Variants in CADPS2 observed in about 807,000 individuals in gnomAD.
The protein encoded by CADPS2 is calcium dependent secretion activator 2.
Under a neutral mutation model 172.5 loss-of-function variants are expected in CADPS2, and 93 were observed. The observed-to-expected ratio is 0.54, with a 90% CI of 0.46 to 0.64. The LOEUF (loss-of-function observed/expected upper bound fraction) is 0.64, where lower values mean the gene tolerates loss of function less well. Among genes scored for constraint, CADPS2 ranks in the 30% least tolerant of loss-of-function variants. The pLI is 0.00. For missense variants in CADPS2, 1,420 were observed against 1,565.9 expected, an observed-to-expected ratio of 0.91 and a Z score of 1.57; for synonymous variants, 546 against 555.2, an observed-to-expected ratio of 0.98 and a Z score of 0.23.
At chr7:122,600,605 T>C (rs930259950) in intron 6 of CADPS2, among the ~76,000 whole-genome samples, 6 of 152,112 alleles carry the variant, frequency 3.9e-5, no homozygotes, top group African/African-American at 9.7e-5. Flanking sequence ...CTCTAAGCAA[T>C]GTATAATTCT....
chr7:122,785,809 G>C (rs1793895391), intron 1 of CADPS2, among the ~76,000 whole-genome samples: 1 of 152,010 alleles, frequency 6.6e-6, no homozygotes. Flanking sequence ...TCTCTCACTA[G>C]GGCTCAGACC....
intron 11 of CADPS2, among the ~76,000 whole-genome samples, chr7:122,481,526 G>A (rs1287130436): frequency 6.6e-6 from 1 of 151,784 alleles, no homozygotes; most frequent in African/African-American, 2.4e-5. Flanking sequence ...GATAACCTGA[G>A]GTCAGGAGTT....
chr7:122,761,318 A>C (rs2093371094), intron 1 of CADPS2, among the ~76,000 whole-genome samples: 1 of 152,204 alleles, frequency 6.6e-6, no homozygotes, highest in Non-Finnish European at 1.5e-5. Context: ...CAGCCAGGCC[A>C]ATACTCATCT....
chr7:122,811,940 T>C (rs1395714081), intron 1 of CADPS2, among the ~76,000 whole-genome samples: 1 of 152,162 alleles, frequency 6.6e-6, no homozygotes, highest in African/African-American at 2.4e-5. Flanking sequence ...CATTTAATTA[T>C]CCACTCAATC....
intron 2 of CADPS2, among the ~76,000 whole-genome samples, chr7:122,679,519 G>A (rs538446376): frequency 1.4e-4 from 21 of 152,104 alleles, no homozygotes; most frequent in Middle Eastern, 3.4e-3. Flanking sequence ...TTGTGATCTC[G>A]CCCTAACCTT....
At chr7:122,714,787 C>G (rs988564729) in intron 2 of CADPS2, among the ~76,000 whole-genome samples, 6 of 152,226 alleles carry the variant, frequency 3.9e-5, no homozygotes, top group African/African-American at 1.4e-4. Flanking sequence ...ATAATAGAAA[C>G]TTACAGTAAT....
At chr7:122,553,391 T>C (rs546739918) in intron 8 of CADPS2, among the ~76,000 whole-genome samples, 18 of 152,304 alleles carry the variant, frequency 1.2e-4, no homozygotes, top group Middle Eastern at 3.4e-3. Flanking sequence ...ATCTGAGTCA[T>C]AGTTAGACTT....
chr7:122,848,863 C>T (rs1812745415), intron 1 of CADPS2, among the ~76,000 whole-genome samples: 1 of 152,028 alleles, frequency 6.6e-6, no homozygotes, highest in South Asian at 2.1e-4. Flanking sequence ...CATCTAGGAA[C>T]CTGGGGATTT....
chr7:122,820,543 TTTTTTGTTTTTTG>T lies in CADPS2; in HGVS notation c.339+65443_339+65455del, dbSNP rs1467863731. Among the ~76,000 whole-genome samples the T allele has an allele frequency of 8.5e-5, 11 of 129,362 alleles. 3 individuals are homozygous for T. Among genetic ancestry groups the T allele is most frequent in the African/African-American group, 3.3e-4 (10 of 30,280 alleles). 84.9% of individuals were successfully genotyped at this position (129,362 alleles called of 152,430 possible). ...CTGTCCAAACAACTTGACCTTACTG[TTTTTTGTTTTTTG>T]TTTTTTTTTTTTTTTTTTTTTGAGA... On this transcript the variant is annotated intron_variant, in intron 1 of 29. Coordinates refer to ENST00000449022, the MANE Select transcript of CADPS2 (RefSeq NM_017954.11).
At chr7:122,730,718 G>A (rs1024328427) in intron 2 of CADPS2, among the ~76,000 whole-genome samples, 3 of 151,524 alleles carry the variant, frequency 2.0e-5, no homozygotes, top group African/African-American at 7.2e-5. Context: ...AATTATACAG[G>A]CGGTATTTGT....
At chr7:122,526,768 C>A (rs1395876691) in intron 8 of CADPS2, among the ~76,000 whole-genome samples, 1 of 152,042 alleles carries the variant, frequency 6.6e-6, no homozygotes, top group Non-Finnish European at 1.5e-5. Flanking sequence ...TTTATTATAC[C>A]AACTAGGTGA....
chr7:122,702,443 G>T (rs767514604), intron 2 of CADPS2: 1 of 1,613,678 alleles, frequency 6.2e-7, no homozygotes, highest in East Asian at 2.2e-5. Flanking sequence ...TTCGATGAGG[G>T]CCAGCCATGA....
intron 6 of CADPS2, among the ~76,000 whole-genome samples, chr7:122,583,656 T>C (rs563151185): frequency 1.3e-5 from 2 of 151,010 alleles, no homozygotes; most frequent in South Asian, 4.2e-4. Flanking sequence ...CAATTATATA[T>C]GAAGGAGATA....
intron 7 of CADPS2, among the ~76,000 whole-genome samples, chr7:122,573,947 G>C (rs529826038): frequency 3.9e-4 from 60 of 151,948 alleles, no homozygotes; most frequent in African/African-American, 1.2e-3. Flanking sequence ...TATTGCACTG[G>C]GTTACTTTTG....
At chr7:122,496,250 C>T (rs2058724149) in intron 9 of CADPS2, among the ~76,000 whole-genome samples, 1 of 152,182 alleles carries the variant, frequency 6.6e-6, no homozygotes, top group Non-Finnish European at 1.5e-5. Context: ...CAACCTCCAC[C>T]TCCTGGGTTC....
At chr7:122,400,005 A>G (rs116105687) in intron 20 of CADPS2, among the ~76,000 whole-genome samples, 2,118 of 151,678 alleles carry the variant, frequency 0.014, 48 homozygotes, top group African/African-American at 0.048. Context: ...CATGGTTTTC[A>G]GAAGTTACAG....
intron 1 of CADPS2, among the ~76,000 whole-genome samples, chr7:122,784,475 T>C (rs756340845): frequency 7.2e-5 from 11 of 152,260 alleles, no homozygotes; most frequent in Admixed American, 6.5e-5. Flanking sequence ...GTTCATTTAC[T>C]GTTTGATTCA....
chr7:122,547,501 T>C lies in CADPS2; in HGVS notation c.1475+7049A>G, dbSNP rs2131804513. On this transcript the variant is annotated intron_variant, in intron 8 of 29. Transcript: ENST00000449022. ...TGTGAGCATAATTTCTGCATTCTAT[T>C]CTTTTCTAAAAAAAATTCATCAATT... Among the ~76,000 whole-genome samples the C allele has an allele frequency of 2.6e-5, 4 of 152,278 alleles. No individual in the cohort carries two copies. In the Middle Eastern group the frequency reaches 0.014, roughly 518 times the overall value.
At chr7:122,669,472 G>A (rs2081552314) in intron 2 of CADPS2, among the ~76,000 whole-genome samples, 2 of 151,786 alleles carry the variant, frequency 1.3e-5, no homozygotes, top group Non-Finnish European at 2.9e-5. Context: ...GATAACTGTG[G>A]GAAAAGAACC....
Sources: gnomAD v4.1 joint callset for allele counts (sites outside exome capture counted in the v4.1 genomes callset) on GRCh38, gnomAD v4.1.1 for gene constraint, MANE v1.5 for transcripts, NCBI Gene and HGNC (gene_info 2026-07-23, HGNC 2026-07-21) for gene names.